Variants in LRRC37A3 observed in about 807,000 individuals in gnomAD.
LRRC37A3 encodes the protein leucine-rich repeat-containing protein 37A3.
LRRC37A3 carries 25 observed loss-of-function variants against 106.2 expected under a neutral mutation model. That is an observed-to-expected ratio of 0.24 (90% CI 0.17 to 0.33). The LOEUF (loss-of-function observed/expected upper bound fraction) is 0.33. LRRC37A3 is among the 10% of genes least tolerant of loss of function. The probability of loss-of-function intolerance (pLI) is 1.00; values close to 1 mark genes in which losing one functional copy is unlikely to be tolerated. For missense variants in LRRC37A3, 712 were observed against 1,644.9 expected (o/e 0.43, Z 9.81); for synonymous variants, 305 against 635.8 (o/e 0.48, Z 7.83).
rs1290678258 is a variant in LRRC37A3 at position 64,881,005 on chromosome 17, GT to G, written c.2906+5080del. On this transcript the variant is annotated intron_variant, in intron 8 of 14. Coordinates refer to ENST00000584306, the MANE Select transcript of LRRC37A3 (RefSeq NM_199340.5). ...ATCCCAAGGCTGTCAGGGAAAACTG[GT>G]TCCATGGAAGAAGGTAGTCAAAGAA... The G allele has an allele frequency of 6.2e-6, 4 of 640,650 alleles. No individual in the cohort carries two copies. The African/African-American group carries it at 7.3e-5, about 12-fold the overall frequency. The allele number at this position is 640,650 out of a possible 1,614,324, so 39.7% of individuals were successfully genotyped here.
chr17:64,913,339 T>G (rs1352005436), intron 2 of LRRC37A3, among the ~76,000 whole-genome samples: 51 of 117,384 alleles, frequency 4.3e-4, no homozygotes, highest in African/African-American at 4.0e-3. Flanking sequence ...TATTTTGGGT[T>G]TTTTTTTTTT....
chr17:64,877,882 G>A (rs1032623661), intron 8 of LRRC37A3, among the ~76,000 whole-genome samples: 1 of 151,958 alleles, frequency 6.6e-6, no homozygotes, highest in Non-Finnish European at 1.5e-5. Context: ...TTTGACAAGG[G>A]TGCTGAAACA....
intron 2 of LRRC37A3, among the ~76,000 whole-genome samples, chr17:64,899,521 C>T (rs1370114512): frequency 7.0e-5 from 10 of 142,660 alleles, no homozygotes; most frequent in African/African-American, 1.7e-4. Flanking sequence ...CTACTGTTGA[C>T]GCAAACTTCA....
intron 2 of LRRC37A3, among the ~76,000 whole-genome samples, chr17:64,914,483 T>C (rs1974660776): frequency 6.6e-6 from 1 of 150,764 alleles, no homozygotes; most frequent in Non-Finnish European, 1.5e-5. Flanking sequence ...AATTTCAACC[T>C]GGGAGGTGGA....
rs546608284 is a variant in LRRC37A3 at position 64,858,208 on chromosome 17, C to T, written c.4809+571G>A. On this transcript the variant is annotated intron_variant, in intron 13 of 14. Transcript: ENST00000584306. ...GAGGGCTAGAGTATGAGATGTTCCCCCTCACCAGTGAACTTAAAAATGTGG... is the reference window on the plus strand; with the variant it reads ...GAGGGCTAGAGTATGAGATGTTCCCTCTCACCAGTGAACTTAAAAATGTGG... Among the ~76,000 whole-genome samples, 12 of 152,244 alleles carry T rather than the reference C, an allele frequency of 7.9e-5. No homozygotes were observed. The East Asian group carries it at 1.7e-3, about 22-fold the overall frequency.
At chr17:64,864,929 A>G (rs1189684538) in intron 10 of LRRC37A3, among the ~76,000 whole-genome samples, 1 of 152,182 alleles carries the variant, frequency 6.6e-6, no homozygotes, top group Non-Finnish European at 1.5e-5. Context: ...GGATACAAGA[A>G]GTCTATGAGT....
At chr17:64,866,238 C>T (rs184091150) in intron 10 of LRRC37A3, among the ~76,000 whole-genome samples, 2 of 151,864 alleles carry the variant, frequency 1.3e-5, no homozygotes, top group African/African-American at 4.8e-5. Context: ...ATGAAGGGGA[C>T]TTCATCCAGA....
chr17:64,903,612 ACT>A (rs1381593082), intron 2 of LRRC37A3, among the ~76,000 whole-genome samples: 2 of 134,832 alleles, frequency 1.5e-5, no homozygotes, highest in African/African-American at 2.9e-5. Context: ...ACAGAGCAAG[ACT>A]CTGTCTCAAA....
At chr17:64,903,950 C>T (rs1363665720) in intron 2 of LRRC37A3, among the ~76,000 whole-genome samples, 1 of 151,744 alleles carries the variant, frequency 6.6e-6, no homozygotes, top group Non-Finnish European at 1.5e-5. Context: ...ACCGGCCTGA[C>T]CAACACAGTG....
chr17:64,878,721 T>C (rs1470622830), intron 8 of LRRC37A3, among the ~76,000 whole-genome samples: 3 of 152,108 alleles, frequency 2.0e-5, no homozygotes. Context: ...CCCTCAAACA[T>C]TGCAGATGGA....
chr17:64,913,496 A>C (rs889372058), intron 2 of LRRC37A3, among the ~76,000 whole-genome samples: 9 of 151,268 alleles, frequency 5.9e-5, no homozygotes, highest in Non-Finnish European at 5.9e-5. Flanking sequence ...GTGTGCCACC[A>C]CACTAGGCTA....
In LRRC37A3 at chr17:64,897,502, T is replaced by C. The variant is rs1343780955; in HGVS notation, c.-245A>G. On this transcript the variant is annotated 5_prime_UTR_variant, in exon 4 of 15. Transcript: ENST00000584306. ...CAGCGCCTGCTGTGGTGGGGTAGGGTGGGGTAGGGTGGGATGGGGGCGCGG... is the reference window on the plus strand; with the variant it reads ...CAGCGCCTGCTGTGGTGGGGTAGGGCGGGGTAGGGTGGGATGGGGGCGCGG... The C allele has an allele frequency of 8.5e-6, 2 of 235,668 alleles. No homozygotes were observed. The highest frequency in any genetic ancestry group is 3.3e-5 in the South Asian group (1 of 29,886). 14.6% of individuals were successfully genotyped at this position (235,668 alleles called of 1,614,324 possible). A position where few individuals can be genotyped will look rare whatever the true frequency, so the allele number is the denominator to read the frequency against.
At chr17:64,865,031 T>G (rs1476690273) in intron 10 of LRRC37A3, among the ~76,000 whole-genome samples, 1 of 152,220 alleles carries the variant, frequency 6.6e-6, no homozygotes, top group Non-Finnish European at 1.5e-5. Context: ...CAATCACAAG[T>G]GACTAGTATT....
At chr17:64,872,679 A>G (rs1335097923) in intron 8 of LRRC37A3, among the ~76,000 whole-genome samples, 2 of 152,230 alleles carry the variant, frequency 1.3e-5, no homozygotes, top group Non-Finnish European at 2.9e-5. Context: ...TAATAGGAAA[A>G]GCTGAGGAAT....
intron 2 of LRRC37A3, among the ~76,000 whole-genome samples, chr17:64,910,694 G>T (rs988986418): frequency 1.1e-4 from 15 of 136,330 alleles, no homozygotes; most frequent in African/African-American, 4.3e-4. Flanking sequence ...GACCAGGCTG[G>T]AGTGCAGTGG....
Position 64,896,050 on chromosome 17 carries a change from TGA to T in LRRC37A3, c.1206_1207del (p.His403SerfsTer23). 1 of 1,423,326 alleles carries T rather than the reference TGA, an allele frequency of 7.0e-7. No individual in the cohort carries two copies. The highest frequency in any genetic ancestry group is 2.3e-5 in the East Asian group (1 of 43,206). The allele number at this position is 1,423,326 out of a possible 1,614,324, so 88.2% of individuals were successfully genotyped here. A position where few individuals can be genotyped will look rare whatever the true frequency, so the allele number is the denominator to read the frequency against. ...AGAGACACTGGGTGAAGCTAAATGA[TGA>T]GTTTGATGGTGACCTGGAGGTGAAA... On this transcript the variant is annotated frameshift_variant, in exon 4 of 15. Coordinates refer to ENST00000584306, the MANE Select transcript of LRRC37A3 (RefSeq NM_199340.5). LOFTEE classifies it high-confidence loss of function.
intron 2 of LRRC37A3, chr17:64,899,814 A>G (rs1974255671): frequency 6.7e-6 from 1 of 150,342 alleles, no homozygotes; most frequent in African/African-American, 2.6e-5. Context: ...CCACAACTGT[A>G]GTAACACAAT....
At chr17:64,882,851 G>A (rs1453666921) in intron 8 of LRRC37A3, among the ~76,000 whole-genome samples, 6 of 151,706 alleles carry the variant, frequency 4.0e-5, no homozygotes, top group Non-Finnish European at 8.8e-5. Context: ...ATATGTGAGT[G>A]TACTCTATCT....
At position 64,881,243 on chromosome 17, in the gene LRRC37A3, T is replaced by C; in HGVS notation, c.2906+4843A>G. The C allele has an allele frequency of 4.3e-6, 3 of 699,390 alleles. 1 individual carries two copies. In the South Asian group the frequency reaches 4.5e-5, roughly 10 times the overall value. 43.3% of individuals were successfully genotyped at this position (699,390 alleles called of 1,614,324 possible). On this transcript the variant is annotated intron_variant, in intron 8 of 14. Transcript: ENST00000584306. ...CAGTGAGCCTTTTTCTTTTCTTTTC[T>C]TTTCTTTTCTTTTTTTTGAGATGAA... is the stretch of plus-strand genomic sequence containing the variant.
Sources: gnomAD v4.1 joint callset for allele counts (sites outside exome capture counted in the v4.1 genomes callset) on GRCh38, gnomAD v4.1.1 for gene constraint, MANE v1.5 for transcripts, NCBI Gene and HGNC (gene_info 2026-07-23, HGNC 2026-07-21) for gene names.